STX8: variants seen among roughly 807,000 people sequenced by gnomAD.
The protein encoded by STX8 is syntaxin-8.
In STX8, 23 loss-of-function variants were observed where a neutral mutation model predicts 37.5. The ratio of observed to expected loss-of-function variants is 0.61; its 90% confidence interval spans 0.44 to 0.87. The LOEUF is 0.87. STX8 is among the 40% of genes least tolerant of loss of function. The probability of loss-of-function intolerance (pLI) is 0.00; values close to 1 mark genes in which losing one functional copy is unlikely to be tolerated. For missense variants in STX8, 313 were observed against 284.7 expected (o/e 1.10, Z -0.71); for synonymous variants, 115 against 99.1 (o/e 1.16, Z -0.95).
At chr17:9,518,029 C>CCA (rs1905207202) in intron 4 of STX8, among the ~76,000 whole-genome samples, 2 of 152,104 alleles carry the variant, frequency 1.3e-5, no homozygotes, top group East Asian at 3.9e-4. Flanking sequence ...CAGTGACCCT[C>CCA]CATTTGTTCT....
At chr17:9,385,822 G>GGA (rs1306198626) in intron 6 of STX8, among the ~76,000 whole-genome samples, 1 of 152,206 alleles carries the variant, frequency 6.6e-6, no homozygotes, top group Non-Finnish European at 1.5e-5. Context: ...CCCTGGAGCT[G>GGA]GAGTGCAGTG....
At chr17:9,301,781 G>A (rs960241898) in intron 7 of STX8, among the ~76,000 whole-genome samples, 3 of 152,030 alleles carry the variant, frequency 2.0e-5, no homozygotes, top group East Asian at 1.9e-4. Flanking sequence ...GAGCCACGGC[G>A]CCCGGCCAGT....
At chr17:9,329,050 CAAAAAAAAAAAAAAAA>C (rs998679728) in intron 7 of STX8, among the ~76,000 whole-genome samples, 2 of 28,010 alleles carry the variant, frequency 7.1e-5, no homozygotes, top group Non-Finnish European at 1.9e-4. Context: ...GATTCCATCT[CAAAAAAAAAAAAAAAA>C]AAAAAAAAAA....
chr17:9,429,957 A>T (rs373289912), intron 6 of STX8, among the ~76,000 whole-genome samples: 1 of 842 alleles, frequency 1.2e-3, no homozygotes, highest in African/African-American at 9.1e-3. Context: ...ATTATATATA[A>T]TATATATATT....
chr17:9,421,212 G>C (rs1370367386), intron 6 of STX8, among the ~76,000 whole-genome samples: 1 of 151,852 alleles, frequency 6.6e-6, no homozygotes, highest in Non-Finnish European at 1.5e-5. Flanking sequence ...GACCAACATG[G>C]AGAAACTCCG....
intron 6 of STX8, among the ~76,000 whole-genome samples, chr17:9,452,803 G>GTT (rs751320265): frequency 8.2e-5 from 11 of 133,818 alleles, no homozygotes; most frequent in South Asian, 2.8e-4. Flanking sequence ...GATGGCCCTT[G>GTT]TTTTTTTTTC....
At chr17:9,500,586 G>T (rs1164066999) in intron 5 of STX8, among the ~76,000 whole-genome samples, 1 of 152,168 alleles carries the variant, frequency 6.6e-6, no homozygotes, top group Non-Finnish European at 1.5e-5. Context: ...CGAGCTGAGT[G>T]TCATTCAGAA....
Position 9,293,445 on chromosome 17 carries a change from C to T in STX8, c.644-42800G>A, listed in dbSNP as rs569766046. Among the ~76,000 whole-genome samples, 3 of 151,446 alleles carry T rather than the reference C, an allele frequency of 2.0e-5. No homozygotes were observed. The East Asian group carries it at 5.8e-4, about 29-fold the overall frequency. On this transcript the variant is annotated intron_variant, in intron 7 of 7. Coordinates refer to ENST00000306357, the MANE Select transcript of STX8 (RefSeq NM_004853.3). Reference sequence around the variant, plus strand: ...ACCTGTAATCAGCTTATGAGGACCTCACAGAAGATGTGGAATTTTAGAGAC... The same window carrying T: ...ACCTGTAATCAGCTTATGAGGACCTTACAGAAGATGTGGAATTTTAGAGAC...
At chr17:9,546,690 C>G (rs1435428699) in intron 3 of STX8, among the ~76,000 whole-genome samples, 3 of 148,646 alleles carry the variant, frequency 2.0e-5, no homozygotes, top group East Asian at 2.0e-4. Context: ...CTCCGCCACC[C>G]GGGTTCAAGC....
chr17:9,417,650 G>A (rs73973739), intron 6 of STX8, among the ~76,000 whole-genome samples: 1,872 of 152,228 alleles, frequency 0.012, 39 homozygotes, highest in African/African-American at 0.043. Context: ...ATGGGGACTG[G>A]TCTCCAGAAG....
chr17:9,267,968 G>A (rs1294839207), intron 7 of STX8, among the ~76,000 whole-genome samples: 2 of 150,342 alleles, frequency 1.3e-5, no homozygotes, highest in African/African-American at 4.9e-5. Context: ...TCCAGCCTGG[G>A]GAACAAGAGT....
rs1185923652 is a variant in STX8 at position 9,540,211 on chromosome 17, CAT to C, written c.323+4959_323+4960del. Among the ~76,000 whole-genome samples, 3 of 152,154 alleles carry C rather than the reference CAT, an allele frequency of 2.0e-5. No homozygotes were observed. The East Asian group carries it at 5.8e-4, about 29-fold the overall frequency. ...ACTTCAGCTTTAGCATTCACTCCTCCATACACTTCTTGCTGGTCCTCGATAGG... is the reference window on the plus strand; with the variant it reads ...ACTTCAGCTTTAGCATTCACTCCTCCACACTTCTTGCTGGTCCTCGATAGG... On this transcript the variant is annotated intron_variant, in intron 4 of 7. Coordinates refer to ENST00000306357, the MANE Select transcript of STX8 (RefSeq NM_004853.3).
chr17:9,516,301 A>ATATATG (rs1469093335), intron 4 of STX8, among the ~76,000 whole-genome samples: 2 of 44,694 alleles, frequency 4.5e-5, no homozygotes, highest in African/African-American at 1.0e-4. Flanking sequence ...CCACAGTCAT[A>ATATATG]TATATATATA....
chr17:9,366,004 C>G (rs1484128720), intron 7 of STX8, among the ~76,000 whole-genome samples: 4 of 151,870 alleles, frequency 2.6e-5, no homozygotes, highest in African/African-American at 9.7e-5. Flanking sequence ...GAGAGAGAGA[C>G]AGAGGAAGAG....
At chr17:9,301,234 G>GTGTGT (rs962452977) in intron 7 of STX8, among the ~76,000 whole-genome samples, 2 of 152,090 alleles carry the variant, frequency 1.3e-5, no homozygotes, top group East Asian at 3.9e-4. Flanking sequence ...ATAATACAGT[G>GTGTGT]TGTGTCCTTT....
chr17:9,424,038 C>T (rs1913536934), intron 6 of STX8, among the ~76,000 whole-genome samples: 1 of 152,166 alleles, frequency 6.6e-6, no homozygotes, highest in African/African-American at 2.4e-5. Context: ...ATGGTCCCTA[C>T]ACATTTTCCA....
chr17:9,451,378 A>G (rs907053300), intron 6 of STX8, among the ~76,000 whole-genome samples: 1 of 152,150 alleles, frequency 6.6e-6, no homozygotes, highest in African/African-American at 2.4e-5. Context: ...GAACTTACAC[A>G]AGGCATCATC....
At chr17:9,254,549 CTAT>C (rs1906715261) in intron 7 of STX8, among the ~76,000 whole-genome samples, 1 of 152,110 alleles carries the variant, frequency 6.6e-6, no homozygotes, top group South Asian at 2.1e-4. Flanking sequence ...GTGCCCACCA[CTAT>C]GCCCGGCTAA....
chr17:9,553,899 C>T (rs887673145), intron 3 of STX8: 1 of 152,194 alleles, frequency 6.6e-6, no homozygotes, highest in Non-Finnish European at 1.5e-5. Flanking sequence ...CTGGCTCTTC[C>T]ATTTCCTAGT....
Sources: gnomAD v4.1 joint callset for allele counts (sites outside exome capture counted in the v4.1 genomes callset) on GRCh38, gnomAD v4.1.1 for gene constraint, MANE v1.5 for transcripts, NCBI Gene and HGNC (gene_info 2026-07-23, HGNC 2026-07-21) for gene names.